ACSM3: variants seen among roughly 807,000 people sequenced by gnomAD.
ACSM3 encodes acyl-CoA synthetase medium chain family member 3, also known as acyl-coenzyme A synthetase ACSM3, mitochondrial.
A neutral mutation model predicts 74.1 loss-of-function variants in ACSM3; 61 were observed. The observed-to-expected ratio is 0.82, with a 90% CI of 0.67 to 1.02. ACSM3 has a LOEUF of 1.02. Among genes scored for constraint, ACSM3 ranks in the 50% least tolerant of loss-of-function variants. The probability of loss-of-function intolerance (pLI) is 0.00; values close to 1 mark genes in which losing one functional copy is unlikely to be tolerated. For missense variants in ACSM3, 660 were observed against 697.0 expected (o/e 0.95, Z 0.60); for synonymous variants, 213 against 241.5 (o/e 0.88, Z 1.09).
intron 1 of ACSM3, among the ~76,000 whole-genome samples, chr16:20,690,673 A>T (rs1339850645): frequency 6.6e-6 from 1 of 152,228 alleles, no homozygotes; most frequent in Non-Finnish European, 1.5e-5. Context: ...GAGAACTCAG[A>T]CTAATACGAA....
chr16:20,685,492 A>G (rs1055099633), intron 1 of ACSM3: 18 of 1,209,058 alleles, frequency 1.5e-5, no homozygotes, highest in Admixed American at 1.0e-4. Context: ...TCACGTTCCA[A>G]TGTGAACACA....
At chr16:20,738,723 T>A in intron 1 of ACSM3, 1 of 692,588 alleles carries the variant, frequency 1.4e-6, no homozygotes, top group Non-Finnish European at 2.4e-6. Context: ...CAATGCTACG[T>A]CCACCACCCC....
chr16:20,754,608 T>C (rs2080014416), intron 2 of ACSM3, among the ~76,000 whole-genome samples: 1 of 152,208 alleles, frequency 6.6e-6, no homozygotes, highest in Non-Finnish European at 1.5e-5. Flanking sequence ...AATAGAGCCC[T>C]GAATTACTTC....
chr16:20,720,530 C>T (rs944707042), intron 1 of ACSM3, among the ~76,000 whole-genome samples: 9 of 152,154 alleles, frequency 5.9e-5, no homozygotes, highest in African/African-American at 2.2e-4. Flanking sequence ...CTAGCCTTGC[C>T]ACTCACTCCT....
At chr16:20,698,323 C>A (rs1266045086) in intron 1 of ACSM3, among the ~76,000 whole-genome samples, 2 of 152,126 alleles carry the variant, frequency 1.3e-5, no homozygotes, top group Non-Finnish European at 1.5e-5. Context: ...CCTGCTCCCC[C>A]TTCCCAGCCC....
intron 1 of ACSM3, among the ~76,000 whole-genome samples, chr16:20,688,516 CTGAAA>C (rs2079594377): frequency 6.6e-6 from 1 of 152,038 alleles, no homozygotes; most frequent in Non-Finnish European, 1.5e-5. Context: ...TATAATTAAA[CTGAAA>C]TCAGCAAGAG....
intron 1 of ACSM3, among the ~76,000 whole-genome samples, chr16:20,717,963 G>GAAGAAGAAGAAA (rs2079769717): frequency 1.1e-5 from 1 of 93,624 alleles, no homozygotes; most frequent in Non-Finnish European, 2.1e-5. Flanking sequence ...AGAGGAAGAA[G>GAAGAAGAAGAAA]AAGAAGAAGA....
chr16:20,788,293 C>G (rs1567360717), intron 9 of ACSM3, among the ~76,000 whole-genome samples: 1 of 152,098 alleles, frequency 6.6e-6, no homozygotes, highest in Admixed American at 6.5e-5. Flanking sequence ...CAGCTATGTT[C>G]TTTTTCTTCC....
chr16:20,686,020 T>C (rs12928136), intron 1 of ACSM3, among the ~76,000 whole-genome samples: 95,475 of 151,418 alleles, frequency 0.63, 31,038 homozygotes, highest in Non-Finnish European at 0.72. Context: ...CTGTGCATTC[T>C]TCTCTGTGCC....
chr16:20,769,010 C>A (rs934768994), intron 1 of ACSM3, among the ~76,000 whole-genome samples: 3 of 152,146 alleles, frequency 2.0e-5, no homozygotes, highest in Admixed American at 2.0e-4. Context: ...TAGATGTCAG[C>A]TAAACTGTCC....
At chr16:20,771,139 G>A (rs942873013) in intron 2 of ACSM3, among the ~76,000 whole-genome samples, 3 of 152,128 alleles carry the variant, frequency 2.0e-5, no homozygotes, top group Non-Finnish European at 4.4e-5. Flanking sequence ...TCAGCCCACT[G>A]CAACCTCCGC....
In ACSM3 at chr16:20,682,007, A is replaced by T. The variant is rs2079455620; in HGVS notation, c.-190+7185A>T. 1.7e-5 allele frequency: 7 copies of T among 406,010 alleles called. No homozygotes were observed. In the East Asian group the frequency reaches 3.2e-4, roughly 19 times the overall value. 25.2% of individuals were successfully genotyped at this position (406,010 alleles called of 1,614,324 possible). A position where few individuals can be genotyped will look rare whatever the true frequency, so the allele number is the denominator to read the frequency against. On this transcript the variant is annotated intron_variant, in intron 1 of 3. Coordinates refer to the ACSM3 transcript ENST00000561584. Reference sequence around the variant, plus strand: ...AATGATGTAATACATGTCTCAACTGAATAACTGTCTTTGTTTCTCACTTCT... The same window carrying T: ...AATGATGTAATACATGTCTCAACTGTATAACTGTCTTTGTTTCTCACTTCT...
Position 20,776,145 on chromosome 16 carries a change from G to A in ACSM3, c.430+96G>A, listed in dbSNP as rs13306610. ...AATCATGATACATTTATTTTGTTGT[G>A]GGCTTATTGTCAAAGAGTGCCTTTA... is the stretch of plus-strand genomic sequence containing the variant. On this transcript the variant is annotated intron_variant, in intron 3 of 13. Transcript: ENST00000289416. 4.7e-3 allele frequency: 6,425 copies of A among 1,353,424 alleles called. 205 individuals are homozygous for A. In the East Asian group the frequency reaches 0.087, roughly 18 times the overall value. 83.8% of individuals were successfully genotyped at this position (1,353,424 alleles called of 1,614,324 possible).
At chr16:20,730,539 T>A (rs2079823801) in intron 1 of ACSM3, among the ~76,000 whole-genome samples, 1 of 152,158 alleles carries the variant, frequency 6.6e-6, no homozygotes, top group Non-Finnish European at 1.5e-5. Flanking sequence ...TACCTCCCTC[T>A]CACACACCAG....
chr16:20,785,176 A>G, intron 8 of ACSM3, 69 bp downstream of exon 8: 1 of 1,585,402 alleles, frequency 6.3e-7, no homozygotes, highest in Non-Finnish European at 8.6e-7. Flanking sequence ...CAAAGTGTCC[A>G]CAGTCTCCTT....
chr16:20,728,268 T>C (rs1253111392), intron 1 of ACSM3: 3 of 466,758 alleles, frequency 6.4e-6, no homozygotes, highest in East Asian at 4.2e-5. Flanking sequence ...ATCTGACCGG[T>C]TCAATAAAGC....
At chr16:20,785,675 G>A (rs760628783) in intron 8 of ACSM3, among the ~76,000 whole-genome samples, 1 of 151,836 alleles carries the variant, frequency 6.6e-6, no homozygotes, top group Non-Finnish European at 1.5e-5. Flanking sequence ...AATAGATAAG[G>A]GAAAAGTTGA....
At chr16:20,696,150 T>C (rs1322959877) in intron 1 of ACSM3, among the ~76,000 whole-genome samples, 1 of 152,244 alleles carries the variant, frequency 6.6e-6, no homozygotes, top group Non-Finnish European at 1.5e-5. Flanking sequence ...TAGAAGACTA[T>C]GCTTTGTGGG....
intron 1 of ACSM3, among the ~76,000 whole-genome samples, chr16:20,723,658 GT>G (rs2079794282): frequency 6.6e-6 from 1 of 152,144 alleles, no homozygotes; most frequent in African/African-American, 2.4e-5. Flanking sequence ...TTTTTCATGT[GT>G]TTTTTGGCTG....
Sources: gnomAD v4.1 joint callset for allele counts (sites outside exome capture counted in the v4.1 genomes callset) on GRCh38, gnomAD v4.1.1 for gene constraint, MANE v1.5 for transcripts, NCBI Gene and HGNC (gene_info 2026-07-23, HGNC 2026-07-21) for gene names.